FARP1: variants seen among roughly 807,000 people sequenced by gnomAD.
FARP1 encodes the protein FERM, ARHGEF and pleckstrin domain-containing protein 1.
Under a neutral mutation model 128.8 loss-of-function variants are expected in FARP1, and 52 were observed. The observed-to-expected ratio is 0.40, with a 90% CI of 0.32 to 0.51. FARP1 has a LOEUF of 0.51. FARP1 is among the 20% of genes least tolerant of loss of function. The pLI, the probability that FARP1 is intolerant of heterozygous loss-of-function variation, is 0.45. For synonymous variants in FARP1, 580 were observed against 551.8 expected (o/e 1.05, Z -0.72); for missense variants, 1,333 against 1,367.9 (o/e 0.97, Z 0.40).
intron 13 of FARP1, chr13:98,405,404 A>T (rs550628509): frequency 6.6e-6 from 1 of 152,326 alleles, no homozygotes; most frequent in Admixed American, 6.5e-5. Flanking sequence ...ATTTGAAAGG[A>T]TTTTATAAAG....
chr13:98,146,264 T>C (rs1005078612), intron 1 of FARP1, among the ~76,000 whole-genome samples: 3 of 152,094 alleles, frequency 2.0e-5, no homozygotes, highest in African/African-American at 7.2e-5. Flanking sequence ...GTTTTGCTCT[T>C]GTTTCCCAGG....
At chr13:98,284,341 G>A (rs2139637555) in intron 2 of FARP1, among the ~76,000 whole-genome samples, 1 of 152,212 alleles carries the variant, frequency 6.6e-6, no homozygotes, top group East Asian at 1.9e-4. Flanking sequence ...ATGTATAAAT[G>A]TCTTTAAATG....
chr13:98,416,257 A>T (rs890212333), intron 16 of FARP1, among the ~76,000 whole-genome samples: 2 of 152,228 alleles, frequency 1.3e-5, no homozygotes, highest in African/African-American at 4.8e-5. Context: ...TCATTAATGG[A>T]AAGAGATCTA....
At chr13:98,148,374 G>C (rs185086945) in intron 1 of FARP1, among the ~76,000 whole-genome samples, 1 of 152,110 alleles carries the variant, frequency 6.6e-6, no homozygotes, top group East Asian at 1.9e-4. Flanking sequence ...GTGAAACTCC[G>C]TTTCAAGAAA....
chr13:98,328,746 A>T (rs1887342809), intron 2 of FARP1: 1 of 152,260 alleles, frequency 6.6e-6, no homozygotes, highest in Non-Finnish European at 1.5e-5. Context: ...AGCACTGCTT[A>T]TCTCGAAAGC....
intron 2 of FARP1, among the ~76,000 whole-genome samples, chr13:98,336,754 A>T (rs1887761510): frequency 6.6e-6 from 1 of 152,192 alleles, no homozygotes; most frequent in South Asian, 2.1e-4. Flanking sequence ...CCAATTGAGG[A>T]TGGAGAAGGC....
At chr13:98,163,713 C>T (rs1594215927) in intron 1 of FARP1, among the ~76,000 whole-genome samples, 2 of 143,960 alleles carry the variant, frequency 1.4e-5, no homozygotes, top group Non-Finnish European at 3.0e-5. Flanking sequence ...ATGGCCTTTT[C>T]TTTTTTTTTT....
At chr13:98,220,351 C>T (rs1176612230) in intron 2 of FARP1, among the ~76,000 whole-genome samples, 1 of 152,194 alleles carries the variant, frequency 6.6e-6, no homozygotes, top group East Asian at 1.9e-4. Flanking sequence ...TTCAGACCTG[C>T]AGGGAGGTGT....
At chr13:98,280,080 A>G (rs569434101) in intron 2 of FARP1, among the ~76,000 whole-genome samples, 156 of 151,764 alleles carry the variant, frequency 1.0e-3, no homozygotes, top group African/African-American at 3.6e-3. Context: ...TGTCGCCTCC[A>G]TTTCCTCTCT....
chr13:98,143,726 C>T (rs1401248539), intron 1 of FARP1, among the ~76,000 whole-genome samples: 2 of 151,478 alleles, frequency 1.3e-5, no homozygotes, highest in East Asian at 1.9e-4. Flanking sequence ...TCCGGGCTGC[C>T]CCCTGCGCCC....
chr13:98,233,948 T>G (rs1165101555), intron 2 of FARP1: 2 of 152,234 alleles, frequency 1.3e-5, no homozygotes, highest in Non-Finnish European at 2.9e-5. Context: ...GAAATTACCA[T>G]CCCACATCTT....
chr13:98,389,917 G>A, intron 9 of FARP1, 40 bp from the exon 10 acceptor site: 4 of 1,600,862 alleles, frequency 2.5e-6, no homozygotes, highest in Non-Finnish European at 3.4e-6. Flanking sequence ...GTGTATCTAT[G>A]GGTAATGGAA....
At position 98,372,081 on chromosome 13, in the gene FARP1, C is replaced by CTTTTTT. The variant is rs56838920; in HGVS notation, c.398+3903_398+3908dup. Among the ~76,000 whole-genome samples the CTTTTTT allele has an allele frequency of 2.5e-4, 23 of 92,344 alleles. 2 individuals carry two copies. The highest frequency in any genetic ancestry group is 5.6e-4 in the Admixed American group (4 of 7,130). 60.6% of individuals were successfully genotyped at this position (92,344 alleles called of 152,430 possible). A position where few individuals can be genotyped will look rare whatever the true frequency, so the allele number is the denominator to read the frequency against. On this transcript the variant is annotated intron_variant, in intron 5 of 26. Transcript: ENST00000319562. Reference sequence around the variant, plus strand: ...TTTGGAAAAGATGATCCCAGTTTTTCTTTTTTTTTTTTTTTTTTTTTTGGC... The same window carrying CTTTTTT: ...TTTGGAAAAGATGATCCCAGTTTTTCTTTTTTTTTTTTTTTTTTTTTTTTTTTTGGC...
At chr13:98,324,272 G>A (rs189327168) in intron 2 of FARP1, among the ~76,000 whole-genome samples, 30 of 152,294 alleles carry the variant, frequency 2.0e-4, no homozygotes, top group African/African-American at 7.2e-4. Context: ...CATGAAGGAA[G>A]CCTCATTTTC....
chr13:98,297,971 G>GC (rs1457285769), intron 2 of FARP1, among the ~76,000 whole-genome samples: 2 of 152,148 alleles, frequency 1.3e-5, no homozygotes, highest in Admixed American at 6.5e-5. Flanking sequence ...ATCATCCTGT[G>GC]CGTTTGCATT....
intron 2 of FARP1, among the ~76,000 whole-genome samples, chr13:98,276,413 A>G (rs774119928): frequency 5.9e-5 from 9 of 152,136 alleles, no homozygotes; most frequent in Non-Finnish European, 1.2e-4. Context: ...TCATAATATT[A>G]TGGCATAACA....
intron 6 of FARP1, among the ~76,000 whole-genome samples, chr13:98,383,267 G>T (rs528863322): frequency 1.4e-4 from 22 of 152,300 alleles, no homozygotes; most frequent in African/African-American, 5.1e-4. Flanking sequence ...ATGACCAGGC[G>T]TGCCCCCATT....
At chr13:98,261,063 A>G (rs1327139479) in intron 2 of FARP1, among the ~76,000 whole-genome samples, 1 of 152,082 alleles carries the variant, frequency 6.6e-6, no homozygotes, top group Admixed American at 6.6e-5. Context: ...CTATGGGAGG[A>G]AGGGGAAACT....
chr13:98,315,576 G>T (rs1276798124), intron 2 of FARP1, among the ~76,000 whole-genome samples: 1 of 152,242 alleles, frequency 6.6e-6, no homozygotes, highest in East Asian at 1.9e-4. Context: ...TTTCATGAAA[G>T]TGCCATGTGC....
Sources: allele counts gnomAD v4.1 joint callset (sites outside exome capture counted in the v4.1 genomes callset), GRCh38; gene constraint gnomAD v4.1.1; transcripts MANE v1.5; gene names NCBI Gene and HGNC (gene_info 2026-07-23, HGNC 2026-07-21).